NAALADL2: variants seen among roughly 807,000 people sequenced by gnomAD.
NAALADL2 encodes N-acetylated alpha-linked acidic dipeptidase like 2.
Under a neutral mutation model 87.2 loss-of-function variants are expected in NAALADL2, and 76 were observed. The ratio of observed to expected loss-of-function variants is 0.87; its 90% CI spans 0.72 to 1.05. The LOEUF (loss-of-function observed/expected upper bound fraction) is 1.05, where lower values mean the gene tolerates loss of function less well. NAALADL2 is among the 50% of genes least tolerant of loss of function. The probability of loss-of-function intolerance (pLI) is 0.00; values close to 1 mark genes in which losing one functional copy is unlikely to be tolerated. For synonymous variants in NAALADL2, 354 were observed against 331.0 expected (o/e 1.07, Z -0.75); for missense variants, 1,089 against 945.8 (o/e 1.15, Z -1.99).
chr3:175,602,167 T>C (rs1723054484), intron 10 of NAALADL2, among the ~76,000 whole-genome samples: 1 of 152,098 alleles, frequency 6.6e-6, no homozygotes, highest in Non-Finnish European at 1.5e-5. Flanking sequence ...TTGTAACTAT[T>C]GATAGAAGAG....
chr3:174,474,304 C>A (rs1717087316), intron 1 of NAALADL2, among the ~76,000 whole-genome samples: 1 of 152,052 alleles, frequency 6.6e-6, no homozygotes, highest in Non-Finnish European at 1.5e-5. Context: ...AATTAAGATT[C>A]CTTTGAAAAC....
Position 175,808,344 on chromosome 3 carries a change from TGTTTG to T in NAALADL2, c.*5142_*5146del, listed in dbSNP as rs1053045064. ...TTTAGTGTTTCTGGTTACATTATTTTGTTTGAATTATACAATTACATAATTTTCTG... is the reference window on the plus strand; with the variant it reads ...TTTAGTGTTTCTGGTTACATTATTTTAATTATACAATTACATAATTTTCTG... On this transcript the variant is annotated 3_prime_UTR_variant, in exon 14 of 14. Coordinates refer to ENST00000454872, the MANE Select transcript of NAALADL2 (RefSeq NM_207015.3). 13 of 152,128 alleles carry T rather than the reference TGTTTG, an allele frequency of 8.5e-5. No homozygotes were observed. Among genetic ancestry groups the T allele is most frequent in the African/African-American group, 3.1e-4 (13 of 41,556 alleles). The allele number at this position is 152,128 out of a possible 1,614,324, so 9.4% of individuals were successfully genotyped here. A position where few individuals can be genotyped will look rare whatever the true frequency, so the allele number is the denominator to read the frequency against.
At chr3:174,858,625 A>G (rs890046390), upstream of NAALADL2, among the ~76,000 whole-genome samples, 1 of 152,054 alleles carries the variant, frequency 6.6e-6, no homozygotes, top group South Asian at 2.1e-4. Flanking sequence ...TGGGACATCA[A>G]TGCTGCAGTT....
intron 3 of NAALADL2, among the ~76,000 whole-genome samples, chr3:174,742,179 A>C (rs907044294): frequency 6.6e-5 from 10 of 151,668 alleles, no homozygotes; most frequent in African/African-American, 2.4e-4. Flanking sequence ...GGACCATTTA[A>C]TAAAAATATT....
At chr3:174,914,417 T>C (rs994641102) in intron 1 of NAALADL2, among the ~76,000 whole-genome samples, 48 of 152,116 alleles carry the variant, frequency 3.2e-4, no homozygotes, top group African/African-American at 1.1e-3. Flanking sequence ...ATATTTAGTA[T>C]CATATGGGGT....
intron 11 of NAALADL2, among the ~76,000 whole-genome samples, chr3:175,733,828 T>C (rs887753733): frequency 6.6e-6 from 1 of 152,218 alleles, no homozygotes; most frequent in Non-Finnish European, 1.5e-5. Flanking sequence ...ATACAGGGGC[T>C]ACAGGCTCCA....
intron 1 of NAALADL2, among the ~76,000 whole-genome samples, chr3:174,886,887 C>T (rs1207651754): frequency 1.3e-5 from 2 of 152,130 alleles, no homozygotes; most frequent in African/African-American, 4.8e-5. Flanking sequence ...GGTCCTTTGG[C>T]CATGTCTTTA....
At chr3:174,779,707 C>T (rs1715694669) in intron 3 of NAALADL2, among the ~76,000 whole-genome samples, 2 of 152,094 alleles carry the variant, frequency 1.3e-5, no homozygotes, top group South Asian at 4.1e-4. Context: ...ACAGTTTTTC[C>T]AACACCATTT....
intron 5 of NAALADL2, among the ~76,000 whole-genome samples, chr3:175,356,964 A>G (rs1459572728): frequency 6.6e-6 from 1 of 152,164 alleles, no homozygotes; most frequent in Non-Finnish European, 1.5e-5. Context: ...GGATGGTCTC[A>G]ATAGCTCAGT....
chr3:174,779,229 GTGA>G (rs1715618794), intron 3 of NAALADL2, among the ~76,000 whole-genome samples: 1 of 152,176 alleles, frequency 6.6e-6, no homozygotes, highest in Non-Finnish European at 1.5e-5. Context: ...CTAATGACCA[GTGA>G]TGATGAGCTT....
rs1169827021 is a variant in NAALADL2, at chr3:174,712,380, C to CTTTTTTTTTTTTT, written c.-114-25248_-114-25236dup. ...TATTAACAGTCTCACTTCTCCTCTTCTTTTTTTTTTTTTTTTTTTTTTTTT... is the reference window on the plus strand; with the variant it reads ...TATTAACAGTCTCACTTCTCCTCTTCTTTTTTTTTTTTTTTTTTTTTTTTTTTTTTTTTTTTTT... On this transcript the variant is annotated intron_variant, in intron 2 of 3. Coordinates refer to the NAALADL2 transcript ENST00000434257. Among the ~76,000 whole-genome samples the CTTTTTTTTTTTTT allele has an allele frequency of 5.7e-5, 4 of 70,450 alleles. 1 individual carries two copies. Among genetic ancestry groups the CTTTTTTTTTTTTT allele is most frequent in the Non-Finnish European group, 4.9e-5 (2 of 40,518 alleles). 46.2% of individuals were successfully genotyped at this position (70,450 alleles called of 152,430 possible). A position where few individuals can be genotyped will look rare whatever the true frequency, so the allele number is the denominator to read the frequency against.
At chr3:175,356,009 T>C (rs9290549) in intron 5 of NAALADL2, among the ~76,000 whole-genome samples, 100,649 of 151,938 alleles carry the variant, frequency 0.66, 33,638 homozygotes, top group African/African-American at 0.75. Context: ...AACAACCAGC[T>C]TGGAGTGAAA....
chr3:175,778,607 T>C (rs1295053124), intron 13 of NAALADL2, among the ~76,000 whole-genome samples: 1 of 152,180 alleles, frequency 6.6e-6, no homozygotes, highest in Non-Finnish European at 1.5e-5. Context: ...AAGTAACACA[T>C]ATAAAGCTTT....
At chr3:174,906,398 G>C (rs1469548993) in intron 1 of NAALADL2, among the ~76,000 whole-genome samples, 2 of 152,032 alleles carry the variant, frequency 1.3e-5, no homozygotes, top group African/African-American at 2.4e-5. Flanking sequence ...AATACAGAAT[G>C]ATTGATTGAA....
At chr3:175,600,797 A>G (rs1465390063) in intron 10 of NAALADL2, among the ~76,000 whole-genome samples, 1 of 152,006 alleles carries the variant, frequency 6.6e-6, no homozygotes, top group African/African-American at 2.4e-5. Context: ...TCGGCCTCCC[A>G]AAGTGCTGGG....
intron 1 of NAALADL2, among the ~76,000 whole-genome samples, chr3:174,977,189 G>T (rs1441395554): frequency 1.3e-5 from 2 of 152,180 alleles, no homozygotes; most frequent in Non-Finnish European, 2.9e-5. Context: ...CAAAAATGTT[G>T]AACTCATAGA....
rs78631987 is a variant in NAALADL2 at position 175,475,835 on chromosome 3, A to T, written c.1653+4077A>T. Among the ~76,000 whole-genome samples, 56 of 152,264 alleles carry T rather than the reference A, an allele frequency of 3.7e-4. No individual in the cohort carries two copies. The East Asian group carries it at 0.01, about 28-fold the overall frequency. On this transcript the variant is annotated intron_variant, in intron 9 of 13. Coordinates refer to ENST00000454872, the MANE Select transcript of NAALADL2 (RefSeq NM_207015.3). ...TGAGCTAAAGCAATCCAACACCCTCAGCCTCCCAGGTAGCTAATCCTATAG... is the reference window on the plus strand; with the variant it reads ...TGAGCTAAAGCAATCCAACACCCTCTGCCTCCCAGGTAGCTAATCCTATAG...
At chr3:175,603,590 A>G (rs1412734981) in intron 10 of NAALADL2, among the ~76,000 whole-genome samples, 3 of 152,058 alleles carry the variant, frequency 2.0e-5, no homozygotes, top group African/African-American at 4.8e-5. Context: ...TGTGATTTTC[A>G]TATTTCACTT....
At chr3:174,554,351 T>A (rs1462055994) in intron 2 of NAALADL2, among the ~76,000 whole-genome samples, 1 of 152,082 alleles carries the variant, frequency 6.6e-6, no homozygotes, top group African/African-American at 2.4e-5. Context: ...ATGGTGAAAT[T>A]TAATAAATAT....
Sources: allele counts gnomAD v4.1 joint callset (sites outside exome capture counted in the v4.1 genomes callset), GRCh38; gene constraint gnomAD v4.1.1; transcripts MANE v1.5; gene names NCBI Gene and HGNC (gene_info 2026-07-23, HGNC 2026-07-21).